ATXN10: variants seen among roughly 807,000 people sequenced by gnomAD.
ATXN10 encodes ataxin 10, also known as ataxin-10.
Under a neutral mutation model 52.9 loss-of-function variants are expected in ATXN10, and 28 were observed. The ratio of observed to expected loss-of-function variants is 0.53; its 90% confidence interval spans 0.39 to 0.73. ATXN10 has a LOEUF of 0.73. Among genes scored for constraint, ATXN10 ranks in the 30% least tolerant of loss-of-function variants. ATXN10 has a pLI of 0.00. For missense variants in ATXN10, 565 were observed against 577.0 expected (o/e 0.98, Z 0.21); for synonymous variants, 226 against 221.5 (o/e 1.02, Z -0.18).
In ATXN10 at chr22:45,759,137, A is replaced by C. The variant is rs543286985; in HGVS notation, c.1173+18599A>C. 6.6e-5 allele frequency among the ~76,000 whole-genome samples: 10 copies of C among 152,294 alleles called. No homozygotes were observed. Among genetic ancestry groups the C allele is most frequent in the African/African-American group, 2.4e-4 (10 of 41,568 alleles). On this transcript the variant is annotated intron_variant, in intron 9 of 11. Transcript: ENST00000252934. This position sits in a 1 kb window ranked among gnomAD's most constrained non-coding sequence, Gnocchi z 5.4. ...CACACTGTGTGCCAAGCATTATGCGAGGTGCTGGAGAGAAGGAAGGGGAAG... is the reference window on the plus strand; with the variant it reads ...CACACTGTGTGCCAAGCATTATGCGCGGTGCTGGAGAGAAGGAAGGGGAAG...
chr22:45,840,503 A>G lies in ATXN10; in HGVS notation c.1238-2488A>G, dbSNP rs578133434. Among the ~76,000 whole-genome samples the G allele has an allele frequency of 5.9e-5, 9 of 152,308 alleles. No individual in the cohort carries two copies. The highest frequency in any genetic ancestry group is 3.9e-4 in the East Asian group (2 of 5,174). ...AGCAGCAGTGAGGGAAGCACATCCC[A>G]GGTCAGGGATTCGTGTGTGCAGAGA... is the stretch of plus-strand genomic sequence containing the variant. On this transcript the variant is annotated intron_variant, in intron 10 of 11. Coordinates refer to ENST00000252934, the MANE Select transcript of ATXN10 (RefSeq NM_013236.4). The surrounding 1 kb of genome is among the most constrained non-coding windows in gnomAD (Gnocchi z 5.8).
At chr22:45,807,491 A>T (rs915600889) in intron 10 of ATXN10, among the ~76,000 whole-genome samples, 1 of 152,216 alleles carries the variant, frequency 6.6e-6, no homozygotes, top group Non-Finnish European at 1.5e-5. Context: ...AAGAGGAAGG[A>T]GCATCTCAGT....
intron 6 of ATXN10, 64 bp from the exon 7 acceptor site, chr22:45,729,361 G>A: frequency 1.9e-6 from 3 of 1,542,832 alleles, no homozygotes; most frequent in East Asian, 2.2e-5. Context: ...GCTTTCCTAG[G>A]TATTTTTAGC....
At chr22:45,798,214 A>T (rs1354895930) in intron 9 of ATXN10, among the ~76,000 whole-genome samples, 2 of 152,212 alleles carry the variant, frequency 1.3e-5, no homozygotes, top group Admixed American at 1.3e-4. Flanking sequence ...AAAAACCTTA[A>T]AAGGGAACAA....
chr22:45,751,763 A>AAAAAAAAAAAAAAAT, intron 9 of ATXN10, among the ~76,000 whole-genome samples: 46 of 66,600 alleles, frequency 6.9e-4, no homozygotes, highest in Non-Finnish European at 1.1e-3. Flanking sequence ...AATAAAAAAA[A>AAAAAAAAAAAAAAAT]AATAATAATA....
chr22:45,680,986 G>C (rs1922898309), intron 1 of ATXN10, among the ~76,000 whole-genome samples: 2 of 152,158 alleles, frequency 1.3e-5, no homozygotes, highest in Non-Finnish European at 1.5e-5. Flanking sequence ...GCTCAAAGGT[G>C]TGGTAGTTCT....
intron 9 of ATXN10, among the ~76,000 whole-genome samples, chr22:45,760,047 A>G (rs1464275862): frequency 6.6e-6 from 1 of 152,192 alleles, no homozygotes; most frequent in African/African-American, 2.4e-5. Context: ...CTTGAATTAC[A>G]TTCTTTCCCC....
Position 45,843,459 on chromosome 22 carries a change from CAT to C in ATXN10, c.1426-208_1426-207del, listed in dbSNP as rs1465081454. ...ATACATGGTCTAAAAGTAAGTTACT[CAT>C]AGGAATTAGATTTTCTTTAAAAGAT... On this transcript the variant is annotated intron_variant, in intron 11 of 11. Transcript: ENST00000252934. The surrounding 1 kb of genome is among the most constrained non-coding windows in gnomAD (Gnocchi z 4.5). Among the ~76,000 whole-genome samples, 3 of 152,176 alleles carry C rather than the reference CAT, an allele frequency of 2.0e-5. No individual in the cohort carries two copies. The highest frequency in any genetic ancestry group is 4.8e-5 in the African/African-American group (2 of 41,432).
At chr22:45,709,254 C>T (rs545827796) in intron 5 of ATXN10, among the ~76,000 whole-genome samples, 9 of 152,288 alleles carry the variant, frequency 5.9e-5, no homozygotes, top group African/African-American at 2.2e-4. Flanking sequence ...TGTGAGCTCC[C>T]TGTAAGGCAG....
Position 45,688,867 on chromosome 22 carries a change from A to G in ATXN10, c.117-845A>G, listed in dbSNP as rs905654477. ...AAGAGATTTGCTGTTTCTTTAGGGG[A>G]TTTATGGAATGAGGAAGTTGGCTTG... On this transcript the variant is annotated intron_variant, in intron 1 of 11. Transcript: ENST00000252934. This position sits in a 1 kb window ranked among gnomAD's most constrained non-coding sequence, Gnocchi z 4.0. Among the ~76,000 whole-genome samples, 2 of 152,134 alleles carry G rather than the reference A, an allele frequency of 1.3e-5. No homozygotes were observed. Among genetic ancestry groups the G allele is most frequent in the African/African-American group, 2.4e-5 (1 of 41,430 alleles).
rs1383578812 is a variant in ATXN10 at position 45,833,405 on chromosome 22, C to T, written c.1238-9586C>T. On this transcript the variant is annotated intron_variant, in intron 10 of 11. Transcript: ENST00000252934. This position sits in a 1 kb window ranked among gnomAD's most constrained non-coding sequence, Gnocchi z 4.3. The stretch of plus-strand genomic sequence containing the variant: ...AGAGCGCTCCTTGACTCCTCAGGGC[C>T]TGCTGGGTCTTGTCTGTTCTAAATC... Among the ~76,000 whole-genome samples the T allele has an allele frequency of 2.0e-5, 3 of 152,316 alleles. No individual in the cohort carries two copies. The highest frequency in any genetic ancestry group is 1.3e-4 in the Admixed American group (2 of 15,310).
At chr22:45,743,938 A>G (rs1177216294) in intron 9 of ATXN10, among the ~76,000 whole-genome samples, 1 of 152,070 alleles carries the variant, frequency 6.6e-6, no homozygotes, top group Non-Finnish European at 1.5e-5. Context: ...AAAAGGTTGG[A>G]GAAAAGGGTT....
At chr22:45,740,739 CGTGTGTGT>C (rs67459281) in intron 9 of ATXN10, 4 of 330,824 alleles carry the variant, frequency 1.2e-5, no homozygotes, top group South Asian at 4.1e-5. Context: ...CACACACACA[CGTGTGTGT>C]GTGTGTGTAT....
intron 7 of ATXN10, 127 bp from the exon 8 acceptor site, chr22:45,738,598 TTTTCTC>T: frequency 2.6e-6 from 2 of 776,322 alleles, no homozygotes; most frequent in Non-Finnish European, 4.1e-6. Context: ...ATAGTTTTGT[TTTTCTC>T]TTTGACTTAT....
rs1948659072 is a variant in ATXN10, at chr22:45,815,541, CTT to C, written c.1237+8521_1237+8522del. ...TGTGCTACATTTTCAGAACAGTTCTCTTTGGGTTTTTCTGTTTTGTTTTCACT... is the reference window on the plus strand; with the variant it reads ...TGTGCTACATTTTCAGAACAGTTCTCTGGGTTTTTCTGTTTTGTTTTCACT... On this transcript the variant is annotated intron_variant, in intron 10 of 11. Coordinates refer to ENST00000252934, the MANE Select transcript of ATXN10 (RefSeq NM_013236.4). 9.2e-5 allele frequency among the ~76,000 whole-genome samples: 14 copies of C among 152,152 alleles called. No individual in the cohort carries two copies. In the South Asian group the frequency reaches 2.9e-3, roughly 32 times the overall value.
intron 10 of ATXN10, among the ~76,000 whole-genome samples, chr22:45,831,526 GT>G (rs1928992403): frequency 6.6e-6 from 1 of 152,156 alleles, no homozygotes; most frequent in Non-Finnish European, 1.5e-5. Flanking sequence ...AGTTCTGTCT[GT>G]TTAACAGTAA....
At chr22:45,811,481 A>G (rs1269102905) in intron 10 of ATXN10, among the ~76,000 whole-genome samples, 3 of 152,130 alleles carry the variant, frequency 2.0e-5, no homozygotes, top group African/African-American at 7.2e-5. Flanking sequence ...CTGTATTTTT[A>G]CTGTACCTCT....
intron 7 of ATXN10, 123 bp from the exon 8 acceptor site, chr22:45,738,608 G>A: frequency 1.2e-6 from 1 of 818,168 alleles, no homozygotes; most frequent in Admixed American, 2.6e-5. Context: ...TTTTCTCTTT[G>A]ACTTATTACA....
chr22:45,787,139 C>T lies in ATXN10; in HGVS notation c.1174-19820C>T, dbSNP rs1366469144. The stretch of plus-strand genomic sequence containing the variant: ...AAAATACTGTATATATAAAGATGAT[C>T]TTCATTTTTTAACAAATTAAGTATA... On this transcript the variant is annotated intron_variant, in intron 9 of 11. Coordinates refer to ENST00000252934, the MANE Select transcript of ATXN10 (RefSeq NM_013236.4). This position sits in a 1 kb window ranked among gnomAD's most constrained non-coding sequence, Gnocchi z 4.2. Among the ~76,000 whole-genome samples, 9 of 152,076 alleles carry T rather than the reference C, an allele frequency of 5.9e-5. No homozygotes were observed. In the South Asian group the frequency reaches 6.2e-4, roughly 11 times the overall value.
Sources: allele counts gnomAD v4.1 joint callset (sites outside exome capture counted in the v4.1 genomes callset), GRCh38; gene constraint gnomAD v4.1.1; non-coding constraint Gnocchi (gnomAD v3.1); transcripts MANE v1.5; gene names NCBI Gene and HGNC (gene_info 2026-07-23, HGNC 2026-07-21).